The following HLF variants were observed in gnomAD, a reference collection of about 807,000 sequenced individuals.
HLF encodes the protein HLF transcription factor, PAR bZIP family member.
A neutral mutation model predicts 22.6 loss-of-function variants in HLF; 3 were observed. That is an observed-to-expected ratio of 0.13 (90% CI 0.06 to 0.34). The LOEUF is 0.34. HLF is among the 10% of genes least tolerant of loss of function. The pLI is 1.00. For missense variants in HLF, 299 were observed against 389.2 expected (o/e 0.77, Z 1.95); for synonymous variants, 151 against 151.8 (o/e 0.99, Z 0.04).
rs551043854 is a variant in HLF at position 55,276,819 on chromosome 17, CACT to C, written c.451+8734_451+8736del. ...GCAGGAAAGTGCATGTGAACATTTC[CACT>C]TGAGTTCAAGGTTGGATTTGAAACA... On this transcript the variant is annotated intron_variant, in intron 2 of 3. Transcript: ENST00000226067. Among the ~76,000 whole-genome samples the C allele has an allele frequency of 7.0e-3, 1,072 of 152,322 alleles. 12 individuals are homozygous for C. Among genetic ancestry groups the C allele is most frequent in the African/African-American group, 0.025 (1,027 of 41,548 alleles).
chr17:55,324,926 G>A lies in HLF; in HGVS notation c.*4047G>A, dbSNP rs1057442293. 8 of 230,574 alleles carry A rather than the reference G, an allele frequency of 3.5e-5. No homozygotes were observed. In the South Asian group the frequency reaches 5.5e-4, roughly 16 times the overall value. 14.3% of individuals were successfully genotyped at this position (230,574 alleles called of 1,614,324 possible). ...TCCTTTTGGCAACACCACAAAGATCGCATCTGTTAAACAGGTACAAGTTGA... is the reference window on the plus strand; with the variant it reads ...TCCTTTTGGCAACACCACAAAGATCACATCTGTTAAACAGGTACAAGTTGA... On this transcript the variant is annotated 3_prime_UTR_variant, in exon 4 of 4. Transcript: ENST00000226067.
chr17:55,320,047 T>C lies in HLF; in HGVS notation c.673-617T>C, dbSNP rs1905211244. Among the ~76,000 whole-genome samples the C allele has an allele frequency of 6.6e-6, 1 of 152,224 alleles. No homozygotes were observed. The highest frequency in any genetic ancestry group is 1.5e-5 in the Non-Finnish European group (1 of 68,046). On this transcript the variant is annotated intron_variant, in intron 3 of 3. Coordinates refer to ENST00000226067, the MANE Select transcript of HLF (RefSeq NM_002126.5). This position sits in a 1 kb window ranked among gnomAD's most constrained non-coding sequence, Gnocchi z 4.2. ...AACAGCTGCCAAGTATCCCTTTGTA[T>C]GACTGTATCATAACGTGGTTGTTAA...
chr17:55,315,414 A>G lies in HLF; in HGVS notation c.639A>G (p.Lys213=). ...TGAAGCCACAGCCCATGATCAAGAA[A>G]GCTCGCAAAGTCTTCATCCCTGATG... The part of the protein sequence containing the change: ...EELKPQPMIK[K]ARKVFIPDDL... The change falls in exon 3 of 4, where the codon AAA becomes AAG. Residue 213 remains lysine (K), a synonymous_variant. Coordinates refer to ENST00000226067, the MANE Select transcript of HLF (RefSeq NM_002126.5). The G allele has an allele frequency of 6.2e-7, 1 of 1,614,192 alleles. No individual in the cohort carries two copies. Among genetic ancestry groups the G allele is most frequent in the Non-Finnish European group, 8.5e-7 (1 of 1,180,012 alleles).
intron 2 of HLF, among the ~76,000 whole-genome samples, chr17:55,277,382 G>C (rs1435014796): frequency 6.6e-6 from 1 of 151,752 alleles, no homozygotes; most frequent in Admixed American, 6.6e-5. Flanking sequence ...GATTACCTGG[G>C]GCAGTAATAT....
chr17:55,313,541 A>G (rs1483069061), intron 2 of HLF, among the ~76,000 whole-genome samples: 1 of 152,110 alleles, frequency 6.6e-6, no homozygotes. Context: ...ATGCCTGTGT[A>G]AGAATGGGGA....
Position 55,268,027 on chromosome 17 carries a change from C to A in HLF, c.392C>A (p.Ser131Tyr). ...GTCATGGACCTCAGCAGCCGGGCCT[C>A]TGCACCCCTTCACCCTGGCATCCCA... is the stretch of plus-strand genomic sequence containing the variant. ...PSVMDLSSRASAPLHPGIPSP... is the reference protein window; with the variant it reads ...PSVMDLSSRAYAPLHPGIPSP... The change falls in exon 2 of 4, where the codon TCT becomes TAT. Residue 131 changes from serine to tyrosine, a missense_variant. Transcript: ENST00000226067. 1 of 1,609,678 alleles carries A rather than the reference C, an allele frequency of 6.2e-7. No individual in the cohort carries two copies. The highest frequency in any genetic ancestry group is 8.5e-7 in the Non-Finnish European group (1 of 1,177,842).
At chr17:55,294,250 C>T (rs2081092011) in intron 2 of HLF, among the ~76,000 whole-genome samples, 1 of 152,194 alleles carries the variant, frequency 6.6e-6, no homozygotes, top group Non-Finnish European at 1.5e-5. Context: ...CCCAGTGCAA[C>T]AGGGAGACGC....
At chr17:55,302,495 G>A (rs12601052) in intron 2 of HLF, among the ~76,000 whole-genome samples, 21,323 of 152,120 alleles carry the variant, frequency 0.14, 1,893 homozygotes, top group East Asian at 0.43. Flanking sequence ...GTTTTGTTTC[G>A]TTTGGTTTTA....
intron 2 of HLF, among the ~76,000 whole-genome samples, chr17:55,282,552 G>T (rs754484143): frequency 6.6e-6 from 1 of 152,136 alleles, no homozygotes; most frequent in Non-Finnish European, 1.5e-5. Context: ...AATTTCAAAG[G>T]TAGGCCAGTT....
chr17:55,303,550 T>C (rs1164244541), intron 2 of HLF, among the ~76,000 whole-genome samples: 2 of 152,198 alleles, frequency 1.3e-5, no homozygotes, highest in African/African-American at 2.4e-5. Flanking sequence ...ACTGGGTCTT[T>C]AAGAAAAGAA....
chr17:55,275,748 A>C (rs1252571772), intron 2 of HLF, among the ~76,000 whole-genome samples: 1 of 152,220 alleles, frequency 6.6e-6, no homozygotes, highest in African/African-American at 2.4e-5. Context: ...GCTACTGTGC[A>C]AGAAAGATCC....
rs1424208343 is a variant in HLF, at chr17:55,323,901, C to T, written c.*3022C>T. The T allele has an allele frequency of 8.7e-6, 2 of 228,934 alleles. No individual in the cohort carries two copies. Among genetic ancestry groups the T allele is most frequent in the East Asian group, 1.2e-4 (2 of 16,112 alleles). The allele number at this position is 228,934 out of a possible 1,614,324, so 14.2% of individuals were successfully genotyped here. ...AATCCAAATCATATCATACTGACAT[C>T]ATCTAGACATGATTTGGAAGGAACA... On this transcript the variant is annotated 3_prime_UTR_variant, in exon 4 of 4. Coordinates refer to ENST00000226067, the MANE Select transcript of HLF (RefSeq NM_002126.5).
intron 2 of HLF, among the ~76,000 whole-genome samples, chr17:55,291,267 A>C (rs2081059264): frequency 6.6e-6 from 1 of 152,210 alleles, no homozygotes; most frequent in Admixed American, 6.5e-5. Context: ...ACACCATGTA[A>C]AAGTTATAGC....
chr17:55,315,213 C>T lies in HLF; in HGVS notation c.452-14C>T. On this transcript the variant is annotated splice_polypyrimidine_tract_variant and intron_variant, in intron 2 of 3. Coordinates refer to ENST00000226067, the MANE Select transcript of HLF (RefSeq NM_002126.5). ...CTAGGGTGTTCATGAATTAAAACTC[C>T]TGTGTTGTTCCAGGTCAGCTGTTGC... is the stretch of plus-strand genomic sequence containing the variant. The T allele has an allele frequency of 6.2e-7, 1 of 1,610,626 alleles. No individual in the cohort carries two copies. The highest frequency in any genetic ancestry group is 8.5e-7 in the Non-Finnish European group (1 of 1,177,112).
chr17:55,292,448 A>G (rs1184014075), intron 2 of HLF, among the ~76,000 whole-genome samples: 1 of 152,226 alleles, frequency 6.6e-6, no homozygotes, highest in Non-Finnish European at 1.5e-5. Flanking sequence ...GTTTAGCAAT[A>G]TAGTATTCTT....
chr17:55,303,809 C>T (rs999643781), intron 2 of HLF, among the ~76,000 whole-genome samples: 2 of 152,120 alleles, frequency 1.3e-5, no homozygotes, highest in African/African-American at 4.8e-5. Flanking sequence ...AAACGTGTGG[C>T]GGAAGTTCTG....
At position 55,320,027 on chromosome 17, in the gene HLF, C is replaced by T. The variant is rs951788350; in HGVS notation, c.673-637C>T. Among the ~76,000 whole-genome samples the T allele has an allele frequency of 6.6e-6, 1 of 152,166 alleles. No homozygotes were observed. The highest frequency in any genetic ancestry group is 1.5e-5 in the Non-Finnish European group (1 of 68,032). ...GCAGGTGGGTCATTATTTTTAACAGCTGCCAAGTATCCCTTTGTATGACTG... is the reference window on the plus strand; with the variant it reads ...GCAGGTGGGTCATTATTTTTAACAGTTGCCAAGTATCCCTTTGTATGACTG... On this transcript the variant is annotated intron_variant, in intron 3 of 3. Transcript: ENST00000226067. This position sits in a 1 kb window ranked among gnomAD's most constrained non-coding sequence, Gnocchi z 4.2.
At chr17:55,303,907 G>A (rs1026797165) in intron 2 of HLF, among the ~76,000 whole-genome samples, 1 of 152,180 alleles carries the variant, frequency 6.6e-6, no homozygotes, top group African/African-American at 2.4e-5. Context: ...CTTTCCAGTA[G>A]AGGGAGTTTT....
intron 2 of HLF, among the ~76,000 whole-genome samples, chr17:55,289,669 A>C (rs2145329260): frequency 6.6e-6 from 1 of 152,304 alleles, no homozygotes; most frequent in South Asian, 2.1e-4. Flanking sequence ...TATTCTTATC[A>C]CCCAGAATTA....
Sources: gnomAD v4.1 joint callset for allele counts (sites outside exome capture counted in the v4.1 genomes callset) on GRCh38, gnomAD v4.1.1 for gene constraint, Gnocchi (gnomAD v3.1) non-coding constraint, MANE v1.5 for transcripts, NCBI Gene and HGNC (gene_info 2026-07-23, HGNC 2026-07-21) for gene names.